The following ANO4 variants were observed in gnomAD, a reference collection of about 807,000 sequenced individuals.
The protein encoded by ANO4 is anoctamin-4.
In ANO4, 69 loss-of-function variants were observed where a neutral mutation model predicts 141.9. The ratio of observed to expected loss-of-function variants is 0.49; its 90% confidence interval spans 0.40 to 0.59. ANO4 has a LOEUF of 0.59. Ranked by LOEUF, ANO4 falls within the 20% of genes least tolerant of loss-of-function variation. The pLI is 0.00. For synonymous variants in ANO4, 350 were observed against 394.3 expected, an observed-to-expected ratio of 0.89 and a Z score of 1.33; for missense variants, 894 against 1,162.2, an observed-to-expected ratio of 0.77 and a Z score of 3.36.
Position 101,048,374 on chromosome 12 carries a change from T to G in ANO4, c.1285T>G (p.Phe429Val), listed in dbSNP as rs781624602. 5.0e-6 allele frequency: 8 copies of G among 1,613,840 alleles called. No individual in the cohort carries two copies. Among genetic ancestry groups the G allele is most frequent in the South Asian group, 2.2e-5 (2 of 91,052 alleles). The change falls in exon 14 of 28, where the codon TTC becomes GTC. Residue 429 changes from phenylalanine to valine, a missense_variant. By Grantham distance (50) the Phe-to-Val change is conservative. Around this residue, in one of 2 missense-constraint regions of ANO4, gnomAD observed 637 missense variants for 909.2 expected, o/e 0.70. Transcript: ENST00000392977. ...CCTTTTTGACAATGGAGCCACTGTC[T>G]TCTTTGCTGTTTTCATGGCAGTCTG... ...THLFDNGATV[F>V]FAVFMAVWAT...
chr12:101,037,018 C>G (rs1425368277), intron 9 of ANO4, 77 bp from the exon 10 acceptor site: 2 of 1,436,906 alleles, frequency 1.4e-6, no homozygotes, highest in Non-Finnish European at 2.0e-6. Context: ...CCAAAAAGCA[C>G]CACACTTATA....
intron 25 of ANO4, among the ~76,000 whole-genome samples, chr12:101,119,025 T>C (rs1181295608): frequency 6.6e-6 from 1 of 152,100 alleles, no homozygotes; most frequent in Non-Finnish European, 1.5e-5. Context: ...GCTTCATCCA[T>C]GTCCCTACAA....
intron 5 of ANO4, among the ~76,000 whole-genome samples, chr12:100,959,392 A>G (rs2043308992): frequency 6.6e-6 from 1 of 152,122 alleles, no homozygotes; most frequent in South Asian, 2.1e-4. Flanking sequence ...AACTCACAAG[A>G]TGAAAAATCT....
At chr12:100,886,546 T>G (rs2039839164) in intron 1 of ANO4, among the ~76,000 whole-genome samples, 1 of 152,106 alleles carries the variant, frequency 6.6e-6, no homozygotes, top group Non-Finnish European at 1.5e-5. Flanking sequence ...TACCCAGCAA[T>G]GAGGCTTAGT....
At chr12:100,873,652 C>G (rs1434634233) in intron 1 of ANO4, among the ~76,000 whole-genome samples, 1 of 152,134 alleles carries the variant, frequency 6.6e-6, no homozygotes, top group African/African-American at 2.4e-5. Flanking sequence ...AAGAAATGAC[C>G]TGGTACTGGA....
intron 8 of ANO4, among the ~76,000 whole-genome samples, chr12:100,988,760 A>T (rs1021248305): frequency 5.3e-5 from 8 of 151,126 alleles, no homozygotes; most frequent in Non-Finnish European, 1.2e-4. Context: ...AATCCCAGCT[A>T]CTCAGGAGGC....
chr12:100,832,093 T>G (rs1035400205), intron 1 of ANO4, among the ~76,000 whole-genome samples: 1 of 152,114 alleles, frequency 6.6e-6, no homozygotes, highest in Admixed American at 6.6e-5. Flanking sequence ...TATGCACATG[T>G]TTATGCAACA....
intron 3 of ANO4, among the ~76,000 whole-genome samples, chr12:100,938,042 G>C (rs1592772322): frequency 6.6e-6 from 1 of 152,090 alleles, no homozygotes; most frequent in Admixed American, 6.5e-5. Context: ...GATCACCTTT[G>C]GGGGGGTCAT....
rs77201807 is a variant in ANO4 at position 100,836,647 on chromosome 12, G to A, written c.-141+41620G>A. On this transcript the variant is annotated intron_variant, in intron 1 of 27. Transcript: ENST00000392977. Reference sequence around the variant, plus strand: ...GTGCTTTGAGAACCTACAGGAAAGAGGAGGTCTTCTAATGAGGTCATAGGC... The same window carrying A: ...GTGCTTTGAGAACCTACAGGAAAGAAGAGGTCTTCTAATGAGGTCATAGGC... 2.9e-3 allele frequency among the ~76,000 whole-genome samples: 428 copies of A among 148,814 alleles called. 6 individuals carry two copies. The highest frequency in any genetic ancestry group is 1.5e-3 in the Non-Finnish European group (101 of 65,904).
At chr12:100,757,035 T>TA (rs1593278339) in intron 3 of ANO4, among the ~76,000 whole-genome samples, 1 of 152,314 alleles carries the variant, frequency 6.6e-6, no homozygotes, top group South Asian at 2.1e-4. Context: ...AGTTTTTTTT[T>TA]ATCTGTCCCT....
chr12:100,855,376 G>A (rs1021877993), intron 1 of ANO4, among the ~76,000 whole-genome samples: 1 of 152,034 alleles, frequency 6.6e-6, no homozygotes, highest in African/African-American at 2.4e-5. Context: ...CCCATATTGA[G>A]TCAAAATGAT....
intron 1 of ANO4, among the ~76,000 whole-genome samples, chr12:100,875,851 T>G (rs1166774075): frequency 6.6e-6 from 1 of 152,144 alleles, no homozygotes; most frequent in Non-Finnish European, 1.5e-5. Flanking sequence ...AGAGGTCATT[T>G]TGTGGGTTGG....
At chr12:100,730,497 A>T (rs1379346752) in intron 1 of ANO4, among the ~76,000 whole-genome samples, 1 of 152,214 alleles carries the variant, frequency 6.6e-6, no homozygotes, top group Non-Finnish European at 1.5e-5. Context: ...CTCTGAAATT[A>T]ATAGGAAGGA....
intron 1 of ANO4, among the ~76,000 whole-genome samples, chr12:100,896,522 C>G (rs2040363099): frequency 6.6e-6 from 1 of 152,210 alleles, no homozygotes; most frequent in Admixed American, 6.5e-5. Flanking sequence ...AGGGAACATA[C>G]AGCAGTGACA....
At chr12:100,839,453 A>G (rs1351072340) in intron 1 of ANO4, among the ~76,000 whole-genome samples, 1 of 152,210 alleles carries the variant, frequency 6.6e-6, no homozygotes, top group Non-Finnish European at 1.5e-5. Context: ...GTACAAGAAT[A>G]TATATTACAA....
chr12:100,774,837 C>A (rs2033435576), intron 3 of ANO4, among the ~76,000 whole-genome samples: 1 of 152,194 alleles, frequency 6.6e-6, no homozygotes, highest in Non-Finnish European at 1.5e-5. Context: ...TTTCCTTGGA[C>A]AATCTTGTAA....
At chr12:100,837,243 A>C (rs1166871839) in intron 1 of ANO4, among the ~76,000 whole-genome samples, 1 of 152,196 alleles carries the variant, frequency 6.6e-6, no homozygotes, top group Non-Finnish European at 1.5e-5. Flanking sequence ...CACAGCTCTA[A>C]GAATTTTTCA....
intron 13 of ANO4, 25 bp downstream of exon 13, chr12:101,043,660 G>A (rs1394503484): frequency 1.9e-6 from 3 of 1,546,524 alleles, no homozygotes; most frequent in Non-Finnish European, 2.7e-6. Context: ...TAGCATTTTA[G>A]ATGAATTGAA....
chr12:100,933,839 C>G (rs2042179275), intron 3 of ANO4, among the ~76,000 whole-genome samples: 2 of 152,216 alleles, frequency 1.3e-5, no homozygotes, highest in South Asian at 2.1e-4. Context: ...ATTTGCATTT[C>G]TCTGATGACC....
Sources: allele counts gnomAD v4.1 joint callset (sites outside exome capture counted in the v4.1 genomes callset), GRCh38; gene constraint gnomAD v4.1.1; regional missense constraint gnomAD v4.1.1; transcripts MANE v1.5; gene names NCBI Gene and HGNC (gene_info 2026-07-23, HGNC 2026-07-21).